ZNF451: variants seen among roughly 807,000 people sequenced by gnomAD.
ZNF451 encodes the protein E3 SUMO-protein ligase ZNF451.
A neutral mutation model predicts 107.1 loss-of-function variants in ZNF451; 80 were observed. That is an observed-to-expected ratio of 0.75 (90% CI 0.62 to 0.90). The LOEUF (loss-of-function observed/expected upper bound fraction) is 0.90, where lower values mean the gene tolerates loss of function less well. ZNF451 is among the 40% of genes least tolerant of loss of function. The pLI is 0.00. For missense variants in ZNF451, 1,107 were observed against 1,236.2 expected, an observed-to-expected ratio of 0.90 and a Z score of 1.57; for synonymous variants, 362 against 406.5, an observed-to-expected ratio of 0.89 and a Z score of 1.32.
chr6:57,104,391 T>A, intron 3 of ZNF451: 1 of 985,402 alleles, frequency 1.0e-6, no homozygotes. Flanking sequence ...TCTGACTAGC[T>A]AAGGCTACTT....
Position 57,151,999 on chromosome 6 carries a change from A to C in ZNF451, c.2753-222A>C, listed in dbSNP as rs565366683. The C allele has an allele frequency of 6.3e-4, 276 of 434,742 alleles. 4 individuals are homozygous for C. In the South Asian group the frequency reaches 7.9e-3, roughly 13 times the overall value. 26.9% of individuals were successfully genotyped at this position (434,742 alleles called of 1,614,324 possible). On this transcript the variant is annotated intron_variant, in intron 11 of 14. Transcript: ENST00000370706. ...TTTGATTTTGCCTAATATCCATGTG[A>C]GTTTTAAGATGAGTTGACAGATTCA...
intron 3 of ZNF451, among the ~76,000 whole-genome samples, chr6:57,117,612 C>G (rs773655027): frequency 6.6e-6 from 1 of 152,040 alleles, no homozygotes; most frequent in African/African-American, 2.4e-5. Flanking sequence ...TAAGAATATA[C>G]TTATGTGACT....
chr6:57,100,797 A>T, intron 3 of ZNF451: 1 of 1,548,580 alleles, frequency 6.5e-7, no homozygotes, highest in Non-Finnish European at 8.7e-7. Flanking sequence ...AAAATAATTC[A>T]GATACTAAGA....
chr6:57,150,753 C>T lies in ZNF451; in HGVS notation c.2643C>T (p.Tyr881=). 1 of 1,610,634 alleles carries T rather than the reference C, an allele frequency of 6.2e-7. No homozygotes were observed. Among genetic ancestry groups the T allele is most frequent in the Non-Finnish European group, 8.5e-7 (1 of 1,178,642 alleles). Residue 881 remains tyrosine (Y), a synonymous_variant, in exon 11 of 15, where the codon TAC becomes TAT. Transcript: ENST00000370706. ...EEIVELPDLD[Y]LRTMTHIVFV... ...TTGTTGAGCTTCCAGATTTGGATTA[C>T]CTGCGAACCATGACTCATATAGTCT... is the stretch of plus-strand genomic sequence containing the variant.
At chr6:57,104,154 C>T (rs1238401768) in intron 3 of ZNF451, 2 of 984,986 alleles carry the variant, frequency 2.0e-6, no homozygotes, top group Non-Finnish European at 2.4e-6. Flanking sequence ...TGCCAGTGTT[C>T]TCTACAAAGT....
chr6:57,124,849 G>A lies in ZNF451; in HGVS notation c.302G>A (p.Arg101Lys), dbSNP rs764838188. 6.2e-7 allele frequency: 1 copy of A among 1,600,696 alleles called. No homozygotes were observed. The highest frequency in any genetic ancestry group is 1.3e-5 in the African/African-American group (1 of 74,600). ...AAACAGCAGAAAGAAGAGAAGAATA[G>A]AGCATTCAGAGTATGTGCTATTTTA... ...VEKQQKEEKN[R>K]AFREKIDFQH... Residue 101 changes from arginine (R) to lysine (K), a missense_variant, in exon 4 of 15, where the codon AGA becomes AAA. Transcript: ENST00000370706.
chr6:57,145,437 A>G (rs1832016518), intron 9 of ZNF451, among the ~76,000 whole-genome samples: 1 of 152,072 alleles, frequency 6.6e-6, no homozygotes, highest in Non-Finnish European at 1.5e-5. Flanking sequence ...TTATTTTCCA[A>G]CCCTCACCCA....
At chr6:57,111,243 T>C (rs2127948787) in intron 3 of ZNF451, among the ~76,000 whole-genome samples, 1 of 151,904 alleles carries the variant, frequency 6.6e-6, no homozygotes, top group East Asian at 1.9e-4. Context: ...TTACTTTTAT[T>C]TTCTCTACAG....
intron 2 of ZNF451, among the ~76,000 whole-genome samples, chr6:57,096,605 G>C (rs907638348): frequency 7.6e-6 from 1 of 131,266 alleles, no homozygotes; most frequent in Non-Finnish European, 1.6e-5. Context: ...GGTTACCGGG[G>C]CGGGGGGGTA....
chr6:57,153,009 C>T (rs767587146), intron 12 of ZNF451, among the ~76,000 whole-genome samples: 2 of 152,152 alleles, frequency 1.3e-5, no homozygotes, highest in Non-Finnish European at 2.9e-5. Context: ...GCTTCTGTCT[C>T]TGCTGGGTAC....
intron 2 of ZNF451, among the ~76,000 whole-genome samples, chr6:57,095,479 C>T (rs1829249595): frequency 6.6e-6 from 1 of 151,532 alleles, no homozygotes; most frequent in African/African-American, 2.4e-5. Flanking sequence ...ACTACAGGCA[C>T]GCACTACTGT....
rs772680978 is a variant in ZNF451 at position 57,147,388 on chromosome 6, G to T, written c.1303G>T (p.Glu435Ter). ...ACTTAAAAGAACCATGTCTATTAAA[G>T]AATCTAGCTCACTGGAGTGCATTGC... ...SSLKRTMSIK[E>*]SSSLECIAIP... Residue 435 changes from glutamate (E) to a stop codon, truncating the protein, a stop_gained, in exon 10 of 15, where the codon GAA (glutamate) becomes TAA (stop). Coordinates refer to ENST00000370706, the MANE Select transcript of ZNF451 (RefSeq NM_001031623.3). LOFTEE classifies it high-confidence loss of function. 3 of 1,614,056 alleles carry T rather than the reference G, an allele frequency of 1.9e-6. No individual in the cohort carries two copies. Among genetic ancestry groups the T allele is most frequent in the South Asian group, 1.1e-5 (1 of 91,076 alleles).
chr6:57,104,677 A>T (rs932289206), intron 3 of ZNF451: 4 of 985,078 alleles, frequency 4.1e-6, no homozygotes, highest in Non-Finnish European at 4.8e-6. Context: ...AGTGTTGACT[A>T]TATTTGCATT....
In ZNF451 at chr6:57,148,587, T is replaced by C. The variant is rs772627968; in HGVS notation, c.2502T>C (p.Thr834=). 1.9e-6 allele frequency: 3 copies of C among 1,614,178 alleles called. No homozygotes were observed. In the South Asian group the frequency reaches 3.3e-5, roughly 18 times the overall value. The change falls in exon 10 of 15, where the codon ACT becomes ACC. Residue 834 remains threonine, a synonymous_variant. Transcript: ENST00000370706. Reference sequence around the variant, plus strand: ...AAAAATCAAACCTGTACAAGTTTACTGCTAGTGCCTCACATACAGAGAGAA... The same window carrying C: ...AAAAATCAAACCTGTACAAGTTTACCGCTAGTGCCTCACATACAGAGAGAA... ...GSEKSNLYKF[T]ASASHTERKL...
chr6:57,139,687 TAAC>T (rs1226881817), intron 7 of ZNF451, among the ~76,000 whole-genome samples: 1 of 152,218 alleles, frequency 6.6e-6, no homozygotes, highest in Non-Finnish European at 1.5e-5. Context: ...AGGAGGCTCT[TAAC>T]AAGGTTTAGA....
chr6:57,130,364 T>C (rs373566665), intron 5 of ZNF451, among the ~76,000 whole-genome samples: 4 of 152,184 alleles, frequency 2.6e-5, no homozygotes, highest in African/African-American at 9.6e-5. Flanking sequence ...TCCCTCTTCA[T>C]GTACATTCTT....
At chr6:57,153,831 T>A in intron 12 of ZNF451, 30 bp from the exon 13 acceptor site, 1 of 1,609,938 alleles carries the variant, frequency 6.2e-7, no homozygotes, top group Non-Finnish European at 8.5e-7. Flanking sequence ...GCTGATTTTT[T>A]ATCAACCTGT....
At position 57,120,996 on chromosome 6, in the gene ZNF451, T is replaced by C. The variant is rs1425169899; in HGVS notation, c.187-3738T>C. On this transcript the variant is annotated intron_variant, in intron 3 of 14. Coordinates refer to ENST00000370706, the MANE Select transcript of ZNF451 (RefSeq NM_001031623.3). ...TTAGATTTTCTCCTATGTTATCTTT[T>C]AGGAGTTTTATAGTTTTGTATCTTG... 2.0e-5 allele frequency among the ~76,000 whole-genome samples: 3 copies of C among 152,254 alleles called. No homozygotes were observed. The East Asian group carries it at 5.8e-4, about 29-fold the overall frequency.
chr6:57,156,634 T>A (rs2127985268), intron 13 of ZNF451, among the ~76,000 whole-genome samples: 1 of 152,336 alleles, frequency 6.6e-6, no homozygotes, highest in Non-Finnish European at 1.5e-5. Context: ...AAAATAAACA[T>A]GTATGTACTA....
Sources: gnomAD v4.1 joint callset for allele counts (sites outside exome capture counted in the v4.1 genomes callset) on GRCh38, gnomAD v4.1.1 for gene constraint, MANE v1.5 for transcripts, NCBI Gene and HGNC (gene_info 2026-07-23, HGNC 2026-07-21) for gene names.